RIMKLB: variants seen among roughly 807,000 people sequenced by gnomAD.
The protein encoded by RIMKLB is ribosomal modification protein rimK like family member B, also known as beta-citrylglutamate synthase B.
RIMKLB carries 7 observed loss-of-function variants against 32.0 expected under a neutral mutation model. The ratio of observed to expected loss-of-function variants is 0.22; its 90% CI spans 0.12 to 0.41. The LOEUF is 0.41. Among genes scored for constraint, RIMKLB ranks in the 10% least tolerant of loss-of-function variants. RIMKLB has a pLI of 1.00. For missense variants in RIMKLB, 289 were observed against 498.7 expected, an observed-to-expected ratio of 0.58 and a Z score of 4.00; for synonymous variants, 172 against 185.1, an observed-to-expected ratio of 0.93 and a Z score of 0.57.
chr12:8,704,712 T>C (rs1385505305), intron 1 of RIMKLB, among the ~76,000 whole-genome samples: 1 of 152,160 alleles, frequency 6.6e-6, no homozygotes, highest in African/African-American at 2.4e-5. Flanking sequence ...ACTTGAGCCA[T>C]GGCTCATGCC....
chr12:8,691,187 A>G (rs1371132036), intron 1 of RIMKLB, among the ~76,000 whole-genome samples: 1 of 152,150 alleles, frequency 6.6e-6, no homozygotes, highest in Non-Finnish European at 1.5e-5. Flanking sequence ...GTGCAGTAGC[A>G]TGATCATGGT....
At chr12:8,773,273 T>C (rs774587958) in intron 5 of RIMKLB, 48 bp from the exon 6 acceptor site, 8 of 1,379,444 alleles carry the variant, frequency 5.8e-6, no homozygotes, top group Non-Finnish European at 8.1e-6. Flanking sequence ...TAATTTTATT[T>C]CAAAAGTTTA....
chr12:8,769,192 C>A (rs770437498), intron 5 of RIMKLB, among the ~76,000 whole-genome samples: 8 of 152,068 alleles, frequency 5.3e-5, no homozygotes, highest in Admixed American at 2.6e-4. Context: ...AGTTAATATT[C>A]TTTTGGCTAC....
At chr12:8,758,809 G>A (rs886190300) in intron 5 of RIMKLB, among the ~76,000 whole-genome samples, 14 of 152,056 alleles carry the variant, frequency 9.2e-5, no homozygotes, top group African/African-American at 2.4e-4. Context: ...ACTTTGTAAC[G>A]TGTTTAATTT....
chr12:8,681,067 C>T (rs919404026), upstream of RIMKLB, among the ~76,000 whole-genome samples: 3 of 151,222 alleles, frequency 2.0e-5, no homozygotes, highest in African/African-American at 7.3e-5. Flanking sequence ...CTCAAATGAT[C>T]CTCCCACCTC....
intron 2 of RIMKLB, among the ~76,000 whole-genome samples, chr12:8,740,064 T>C (rs769456401): frequency 6.6e-6 from 1 of 152,046 alleles, no homozygotes; most frequent in African/African-American, 2.4e-5. Flanking sequence ...CACCACTGCG[T>C]TTGGCTAATT....
chr12:8,724,328 A>G, intron 2 of RIMKLB, among the ~76,000 whole-genome samples: 1 of 151,966 alleles, frequency 6.6e-6, no homozygotes, highest in Admixed American at 6.6e-5. Context: ...GATCTTGTTT[A>G]TCTGTATCTG....
intron 2 of RIMKLB, among the ~76,000 whole-genome samples, chr12:8,720,432 G>A (rs1190929183): frequency 1.3e-5 from 2 of 152,134 alleles, no homozygotes. Flanking sequence ...AGTAAATAAA[G>A]GGTCTCTGTT....
At chr12:8,672,078 G>A in the RIMKLB span, among the ~76,000 whole-genome samples, 3 of 152,200 alleles carry the variant, frequency 2.0e-5, no homozygotes, top group African/African-American at 7.2e-5. Flanking sequence ...AATGCCACCA[G>A]TCTCTTTGCT....
chr12:8,750,565 T>A (rs1381473499), intron 3 of RIMKLB, among the ~76,000 whole-genome samples: 1 of 152,206 alleles, frequency 6.6e-6, no homozygotes, highest in Non-Finnish European at 1.5e-5. Context: ...TATTTTAATG[T>A]TTTTAAAGAA....
intron 1 of RIMKLB, among the ~76,000 whole-genome samples, chr12:8,687,668 T>G (rs763679694): frequency 4.6e-5 from 7 of 152,012 alleles, no homozygotes; most frequent in Non-Finnish European, 1.0e-4. Flanking sequence ...TTCCTTCCTT[T>G]CTGCTTTCTC....
chr12:8,682,552 A>C (rs112477637), intron 1 of RIMKLB, among the ~76,000 whole-genome samples: 7,296 of 151,818 alleles, frequency 0.048, 508 homozygotes, highest in African/African-American at 0.16. Flanking sequence ...GCGGGCGGAT[A>C]ACGAGGTCAG....
At chr12:8,731,443 T>C (rs1272501254) in intron 2 of RIMKLB, among the ~76,000 whole-genome samples, 1 of 151,796 alleles carries the variant, frequency 6.6e-6, no homozygotes, top group Non-Finnish European at 1.5e-5. Flanking sequence ...TTTTAGCCAG[T>C]TCCTGGTGGT....
intron 5 of RIMKLB, among the ~76,000 whole-genome samples, chr12:8,770,040 T>A (rs1393211771): frequency 6.6e-6 from 1 of 151,560 alleles, no homozygotes; most frequent in Non-Finnish European, 1.5e-5. Context: ...TGGCATGATC[T>A]CAGCTCACTG....
At chr12:8,730,142 A>G (rs1048480263) in intron 2 of RIMKLB, among the ~76,000 whole-genome samples, 5 of 152,082 alleles carry the variant, frequency 3.3e-5, no homozygotes, top group African/African-American at 7.2e-5. Flanking sequence ...CTGGAGTACA[A>G]TGTTGCAGTC....
At position 8,745,437 on chromosome 12, in the gene RIMKLB, C is replaced by T. The variant is rs149546654; in HGVS notation, c.176-4425C>T. On this transcript the variant is annotated intron_variant, in intron 2 of 5. Transcript: ENST00000535829. Reference sequence around the variant, plus strand: ...GAGATGGTGTTTCACTCTTGTTGCCCAGGCTGGAATGCAATGGCAGGATCT... The same window carrying T: ...GAGATGGTGTTTCACTCTTGTTGCCTAGGCTGGAATGCAATGGCAGGATCT... 9.3e-4 allele frequency among the ~76,000 whole-genome samples: 141 copies of T among 151,830 alleles called. 2 individuals carry two copies. The East Asian group carries it at 0.017, about 18-fold the overall frequency.
chr12:8,709,307 T>C (rs780382514), intron 1 of RIMKLB, among the ~76,000 whole-genome samples: 8 of 152,270 alleles, frequency 5.3e-5, no homozygotes, highest in African/African-American at 7.2e-5. Context: ...TTAGATTTAC[T>C]GGAATCCTTT....
intron 4 of RIMKLB, 53 bp from the exon 5 acceptor site, chr12:8,753,834 TATC>T: frequency 7.5e-7 from 1 of 1,326,750 alleles, no homozygotes; most frequent in Non-Finnish European, 1.1e-6. Flanking sequence ...AGATAATAGG[TATC>T]ATCTGCCCAC....
downstream of RIMKLB, chr12:8,777,510 A>C (rs1950806482): frequency 8.7e-7 from 1 of 1,148,100 alleles, no homozygotes; most frequent in Non-Finnish European, 1.1e-6. Flanking sequence ...TGGCCTTTGA[A>C]GATCCTTAAT....
Sources: gnomAD v4.1 joint callset for allele counts (sites outside exome capture counted in the v4.1 genomes callset) on GRCh38, gnomAD v4.1.1 for gene constraint, MANE v1.5 for transcripts, NCBI Gene and HGNC (gene_info 2026-07-23, HGNC 2026-07-21) for gene names.